The following TNS3 variants were observed in gnomAD, a reference collection of about 807,000 sequenced individuals.
TNS3 encodes the protein tensin-3.
In TNS3, 45 loss-of-function variants were observed where a neutral mutation model predicts 140.9. The observed-to-expected ratio is 0.32, with a 90% CI of 0.25 to 0.41. The LOEUF (loss-of-function observed/expected upper bound fraction) is 0.41. Among genes scored for constraint, TNS3 ranks in the 10% least tolerant of loss-of-function variants. TNS3 has a pLI of 1.00. For missense variants in TNS3, 1,716 were observed against 1,906.7 expected, an observed-to-expected ratio of 0.90 and a Z score of 1.86; for synonymous variants, 815 against 788.4, an observed-to-expected ratio of 1.03 and a Z score of -0.56.
intron 3 of TNS3, among the ~76,000 whole-genome samples, chr7:47,492,340 G>C (rs373749631): frequency 1.1e-4 from 16 of 152,334 alleles, no homozygotes; most frequent in East Asian, 9.7e-4. Context: ...GCCGCATATC[G>C]GCAGGCTGCC....
chr7:47,306,560 C>T (rs1422063744), intron 20 of TNS3, among the ~76,000 whole-genome samples: 2 of 151,792 alleles, frequency 1.3e-5, no homozygotes, highest in East Asian at 3.9e-4. Flanking sequence ...AATTCTTTTC[C>T]TAAGGAAACC....
At position 47,304,952 on chromosome 7, in the gene TNS3, C is replaced by T. The variant is rs745458895; in HGVS notation, c.2702G>A (p.Ser901Asn). 3 of 1,421,444 alleles carry T rather than the reference C, an allele frequency of 2.1e-6. No individual in the cohort carries two copies. The highest frequency in any genetic ancestry group is 5.4e-5 in the East Asian group (2 of 37,024). The allele number at this position is 1,421,444 out of a possible 1,614,324, so 88.1% of individuals were successfully genotyped here. ...CATCGTGGATTTGGGTCCGATGGGG[C>T]TCTCTGACATCCCCACAGCGTGAGT... Reference protein sequence around the residue: ...TLTHAVGMSESPIGPKSTMLR... With the variant: ...TLTHAVGMSENPIGPKSTMLR... Residue 901 changes from serine (S) to asparagine (N), a missense_variant, in exon 21 of 31, where the codon AGC becomes AAC. Coordinates refer to ENST00000311160, the MANE Select transcript of TNS3 (RefSeq NM_022748.12).
intron 16 of TNS3, among the ~76,000 whole-genome samples, chr7:47,381,738 C>T (rs1265792126): frequency 6.6e-6 from 1 of 152,166 alleles, no homozygotes; most frequent in Non-Finnish European, 1.5e-5. Flanking sequence ...TTGGGAGAAA[C>T]AATCTCTTTT....
At chr7:47,476,511 G>A (rs1257389894) in intron 4 of TNS3, among the ~76,000 whole-genome samples, 1 of 152,158 alleles carries the variant, frequency 6.6e-6, no homozygotes, top group Non-Finnish European at 1.5e-5. Context: ...CCCATAGAAC[G>A]GTAATGTAAG....
intron 16 of TNS3, among the ~76,000 whole-genome samples, chr7:47,384,937 A>C (rs1791988662): frequency 6.6e-6 from 1 of 152,186 alleles, no homozygotes; most frequent in African/African-American, 2.4e-5. Flanking sequence ...ATCACTGGGC[A>C]CACCACACTG....
chr7:47,522,765 A>T (rs1799031314), intron 2 of TNS3, among the ~76,000 whole-genome samples: 7 of 152,016 alleles, frequency 4.6e-5, no homozygotes, highest in Admixed American at 4.6e-4. Flanking sequence ...CGTTTCTACT[A>T]AAAATACAAA....
chr7:47,432,096 A>G (rs1301970587), intron 8 of TNS3, among the ~76,000 whole-genome samples: 1 of 151,700 alleles, frequency 6.6e-6, no homozygotes, highest in Non-Finnish European at 1.5e-5. Flanking sequence ...CGAAAAAAAG[A>G]GAAAACTTCG....
chr7:47,366,794 G>A (rs1790733001), intron 17 of TNS3, among the ~76,000 whole-genome samples: 1 of 150,570 alleles, frequency 6.6e-6, no homozygotes, highest in Non-Finnish European at 1.5e-5. Context: ...GCAGAGACTG[G>A]TGCCTGCAGC....
intron 1 of TNS3, chr7:47,579,918 G>A (rs924554969): frequency 1.2e-6 from 1 of 842,194 alleles, no homozygotes; most frequent in African/African-American, 1.8e-5. Context: ...AGCATACTTT[G>A]ACACCCCCTC....
intron 17 of TNS3, among the ~76,000 whole-genome samples, chr7:47,358,161 G>A (rs1026813122): frequency 3.3e-5 from 5 of 150,964 alleles, no homozygotes; most frequent in East Asian, 3.9e-4. Context: ...TTTTTTTGAC[G>A]GAGTCTCACT....
intron 2 of TNS3, among the ~76,000 whole-genome samples, chr7:47,524,808 C>CAAAAAA (rs1354544006): frequency 0.016 from 408 of 25,254 alleles, 145 homozygotes; most frequent in East Asian, 0.05. Context: ...GACTCCGTCT[C>CAAAAAA]AAGAAAAAAA....
intron 13 of TNS3, among the ~76,000 whole-genome samples, chr7:47,409,985 G>A (rs569974370): frequency 6.6e-6 from 1 of 152,278 alleles, no homozygotes; most frequent in East Asian, 1.9e-4. Context: ...TGGAACACTA[G>A]ACCCAGTTCC....
At chr7:47,470,688 G>T in intron 4 of TNS3, 1 of 981,876 alleles carries the variant, frequency 1.0e-6, no homozygotes, top group Non-Finnish European at 1.2e-6. Context: ...TCCAGTGTCT[G>T]TGAGCCACAC....
At position 47,529,406 on chromosome 7, in the gene TNS3, G is replaced by A. The variant is rs530268824; in HGVS notation, c.-264-259C>T. ...CCCAACTCATCAATCACCACATGGG[G>A]TGCCTAGAAACATTACATCAACCAA... is the stretch of plus-strand genomic sequence containing the variant. On this transcript the variant is annotated intron_variant, in intron 1 of 30. Coordinates refer to ENST00000311160, the MANE Select transcript of TNS3 (RefSeq NM_022748.12). 3.9e-5 allele frequency among the ~76,000 whole-genome samples: 6 copies of A among 152,274 alleles called. 1 individual carries two copies. The South Asian group carries it at 1.2e-3, about 32-fold the overall frequency.
At chr7:47,415,351 T>C (rs1029286728) in intron 10 of TNS3, 145 bp from the exon 11 acceptor site, 7 of 602,022 alleles carry the variant, frequency 1.2e-5, no homozygotes, top group East Asian at 3.1e-5. Flanking sequence ...GTTCTCAGCA[T>C]GGTGCTGCGC....
intron 27 of TNS3, among the ~76,000 whole-genome samples, chr7:47,284,931 C>T (rs1165969096): frequency 6.6e-6 from 1 of 152,246 alleles, no homozygotes; most frequent in Non-Finnish European, 1.5e-5. Context: ...TCCATTTTCT[C>T]TTTGCCTTTA....
chr7:47,320,222 A>G (rs1787653415), intron 20 of TNS3, among the ~76,000 whole-genome samples: 1 of 152,170 alleles, frequency 6.6e-6, no homozygotes, highest in Non-Finnish European at 1.5e-5. Context: ...TATACCTGTG[A>G]GGAGGCCGAG....
At chr7:47,316,683 G>A (rs1377227158) in intron 20 of TNS3, among the ~76,000 whole-genome samples, 1 of 149,082 alleles carries the variant, frequency 6.7e-6, no homozygotes, top group African/African-American at 2.5e-5. Flanking sequence ...ACAAAAGTTA[G>A]CCAGAAATCA....
At chr7:47,453,754 G>C (rs1037843454) in intron 4 of TNS3, among the ~76,000 whole-genome samples, 1 of 152,226 alleles carries the variant, frequency 6.6e-6, no homozygotes, top group Non-Finnish European at 1.5e-5. Context: ...GGAGATGGAG[G>C]CCGGATACAC....
Sources: gnomAD v4.1 joint callset for allele counts (sites outside exome capture counted in the v4.1 genomes callset) on GRCh38, gnomAD v4.1.1 for gene constraint, MANE v1.5 for transcripts, NCBI Gene and HGNC (gene_info 2026-07-23, HGNC 2026-07-21) for gene names.